Variants in CCDC93 observed in about 807,000 individuals in gnomAD.
CCDC93 encodes the protein CCC complex scaffolding subunit CCDC93, also known as coiled-coil domain-containing protein 93.
CCDC93 carries 61 observed loss-of-function variants against 108.2 expected under a neutral mutation model. The observed-to-expected ratio is 0.56, with a 90% CI of 0.46 to 0.70. The LOEUF (loss-of-function observed/expected upper bound fraction) is 0.70, where lower values mean the gene tolerates loss of function less well. CCDC93 is among the 30% of genes least tolerant of loss of function. The pLI is 0.00. For missense variants in CCDC93, 685 were observed against 764.2 expected (o/e 0.90, Z 1.22); for synonymous variants, 276 against 260.4 (o/e 1.06, Z -0.58).
chr2:117,989,126 T>C (rs1423985842), intron 6 of CCDC93, among the ~76,000 whole-genome samples: 2 of 152,242 alleles, frequency 1.3e-5, no homozygotes, highest in African/African-American at 4.8e-5. Flanking sequence ...ATAATCAGAC[T>C]TTTTGTCATT....
chr2:117,982,789 C>T (rs1680189820), intron 7 of CCDC93, among the ~76,000 whole-genome samples: 1 of 151,806 alleles, frequency 6.6e-6, no homozygotes, highest in African/African-American at 2.4e-5. Context: ...TCAGGAATGC[C>T]GCAATGTTAA....
chr2:118,002,106 C>T (rs1414516925), intron 3 of CCDC93, among the ~76,000 whole-genome samples: 1 of 152,136 alleles, frequency 6.6e-6, no homozygotes, highest in African/African-American at 2.4e-5. Flanking sequence ...GCTACTGTGG[C>T]CTTATAAACA....
intron 22 of CCDC93, chr2:117,931,381 T>TC (rs963770279): frequency 7.5e-6 from 3 of 399,756 alleles, no homozygotes; most frequent in African/African-American, 6.3e-5. Context: ...CATTTTTTTT[T>TC]CTCACTACAA....
At chr2:118,006,106 GA>G (rs1238303680) in intron 3 of CCDC93, among the ~76,000 whole-genome samples, 1 of 152,050 alleles carries the variant, frequency 6.6e-6, no homozygotes, top group Non-Finnish European at 1.5e-5. Flanking sequence ...GTTCCTTTTG[GA>G]AGTGTTTTCT....
At chr2:117,951,850 C>T (rs764427985) in intron 13 of CCDC93, 109 of 224,856 alleles carry the variant, frequency 4.8e-4, no homozygotes, top group Non-Finnish European at 5.9e-4. Context: ...CAGATTGAAT[C>T]GCAGGGTTCA....
At chr2:117,964,623 G>A (rs1679497016) in intron 11 of CCDC93, among the ~76,000 whole-genome samples, 1 of 151,646 alleles carries the variant, frequency 6.6e-6, no homozygotes, top group African/African-American at 2.4e-5. Context: ...TTTTTTAAGA[G>A]GGTCTCACTC....
intron 8 of CCDC93, among the ~76,000 whole-genome samples, chr2:117,975,653 A>C (rs1247849922): frequency 2.0e-5 from 3 of 152,220 alleles, no homozygotes; most frequent in African/African-American, 7.2e-5. Flanking sequence ...GTGGGACATA[A>C]AAGTAATTTG....
rs888263365 is a variant in CCDC93 at position 117,996,442 on chromosome 2, C to T, written c.364-80G>A. 12 of 891,806 alleles carry T rather than the reference C, an allele frequency of 1.3e-5. No individual in the cohort carries two copies. In the African/African-American group the frequency reaches 1.8e-4, roughly 13 times the overall value. The allele number at this position is 891,806 out of a possible 1,614,324, so 55.2% of individuals were successfully genotyped here. ...GAAGGCCAGTTCAGACATGGCCCAA[C>T]TCATGAACTCAAATCAGCATAGTTG... On this transcript the variant is annotated intron_variant, in intron 4 of 23. Coordinates refer to ENST00000376300, the MANE Select transcript of CCDC93 (RefSeq NM_019044.5).
At chr2:117,977,153 C>T (rs574464480) in intron 8 of CCDC93, among the ~76,000 whole-genome samples, 109 of 152,032 alleles carry the variant, frequency 7.2e-4, no homozygotes, top group Admixed American at 2.3e-3. Flanking sequence ...TTAGCCAGGA[C>T]GGTCTCGATC....
Position 117,996,370 on chromosome 2 carries a change from A to T in CCDC93, c.364-8T>A. 6.2e-7 allele frequency: 1 copy of T among 1,601,494 alleles called. No individual in the cohort carries two copies. Among genetic ancestry groups the T allele is most frequent in the Non-Finnish European group, 8.6e-7 (1 of 1,168,788 alleles). ...AGCTCGTTTCACCAGCCACTGGGGA[A>T]GAAAGTGAAAAGACAAGAGTTGCTA... On this transcript the variant is annotated splice_region_variant and splice_polypyrimidine_tract_variant and intron_variant, in intron 4 of 23. Coordinates refer to ENST00000376300, the MANE Select transcript of CCDC93 (RefSeq NM_019044.5).
intron 4 of CCDC93, chr2:117,998,093 A>G (rs17512698): frequency 0.49 from 73,780 of 152,114 alleles, 18,564 homozygotes; most frequent in East Asian, 0.82. Context: ...CAAGAAAAAT[A>G]TTGACCTTCA....
At position 118,006,831 on chromosome 2, in the gene CCDC93, G is replaced by C; in HGVS notation, c.157-15C>G. On this transcript the variant is annotated splice_polypyrimidine_tract_variant and intron_variant, in intron 2 of 23. Transcript: ENST00000376300. The stretch of plus-strand genomic sequence containing the variant: ...CCTCCTACTACCTGCAAGACATAAA[G>C]AAAATATTTGTTTTCTCTTTTTAGT... The C allele has an allele frequency of 1.3e-6, 2 of 1,513,256 alleles. No homozygotes were observed. Among genetic ancestry groups the C allele is most frequent in the Non-Finnish European group, 1.8e-6 (2 of 1,089,972 alleles). 93.7% of individuals were successfully genotyped at this position (1,513,256 alleles called of 1,614,324 possible).
At position 117,979,233 on chromosome 2, in the gene CCDC93, T is replaced by G. The variant is rs529033026; in HGVS notation, c.621-1203A>C. Among the ~76,000 whole-genome samples the G allele has an allele frequency of 2.0e-5, 3 of 152,302 alleles. No individual in the cohort carries two copies. In the South Asian group the frequency reaches 6.2e-4, roughly 32 times the overall value. On this transcript the variant is annotated intron_variant, in intron 7 of 23. Coordinates refer to ENST00000376300, the MANE Select transcript of CCDC93 (RefSeq NM_019044.5). ...GGAGCCTTATAAAGCCTCTCTTCCATGGCTCAGCCTAACAAGTGTTTCACC... is the reference window on the plus strand; with the variant it reads ...GGAGCCTTATAAAGCCTCTCTTCCAGGGCTCAGCCTAACAAGTGTTTCACC...
chr2:117,953,843 A>G lies in CCDC93; in HGVS notation c.1006-1408T>C, dbSNP rs1679136985. Among the ~76,000 whole-genome samples the G allele has an allele frequency of 2.0e-5, 3 of 152,142 alleles. No homozygotes were observed. The South Asian group carries it at 6.2e-4, about 32-fold the overall frequency. On this transcript the variant is annotated intron_variant, in intron 12 of 23. Coordinates refer to ENST00000376300, the MANE Select transcript of CCDC93 (RefSeq NM_019044.5). ...CAGGAGGCTGAGGCTGCAGTGAGTT[A>G]TGATCATGCCACTGGACTCTAGCGT...
At chr2:118,007,111 G>A (rs1676894177) in intron 2 of CCDC93, among the ~76,000 whole-genome samples, 1 of 152,236 alleles carries the variant, frequency 6.6e-6, no homozygotes, top group South Asian at 2.1e-4. Context: ...TGGCATGACT[G>A]AGGAGCTGAC....
At chr2:117,935,956 T>C (rs886346433) in intron 21 of CCDC93, 1 of 159,312 alleles carries the variant, frequency 6.3e-6, no homozygotes, top group Admixed American at 6.5e-5. Flanking sequence ...ATTTGAGGAT[T>C]GGCAGATACT....
At chr2:117,967,015 CAA>C (rs994266477) in intron 11 of CCDC93, among the ~76,000 whole-genome samples, 3 of 152,060 alleles carry the variant, frequency 2.0e-5, no homozygotes, top group Admixed American at 1.3e-4. Context: ...TTTTCTGAAA[CAA>C]AGTCTCTCTC....
At chr2:117,983,290 G>A (rs1182022068) in intron 7 of CCDC93, among the ~76,000 whole-genome samples, 2 of 152,174 alleles carry the variant, frequency 1.3e-5, no homozygotes, top group African/African-American at 2.4e-5. Context: ...CCCCTGTGAA[G>A]AAGGACATAT....
chr2:117,985,495 TAAAG>T, intron 7 of CCDC93: 1 of 877,074 alleles, frequency 1.1e-6, no homozygotes, highest in Non-Finnish European at 1.4e-6. Flanking sequence ...CACTTTTTTT[TAAAG>T]TAAAAACTAA....
Sources: allele counts gnomAD v4.1 joint callset (sites outside exome capture counted in the v4.1 genomes callset), GRCh38; gene constraint gnomAD v4.1.1; transcripts MANE v1.5; gene names NCBI Gene and HGNC (gene_info 2026-07-23, HGNC 2026-07-21).